STARD8: variants seen among roughly 807,000 people sequenced by gnomAD.
STARD8 encodes the protein StAR related lipid transfer domain containing 8.
STARD8 carries 25 observed loss-of-function variants against 69.4 expected under a neutral mutation model. That is an observed-to-expected ratio of 0.36 (90% CI 0.26 to 0.50). STARD8 has a LOEUF of 0.50. Among genes scored for constraint, STARD8 ranks in the 20% least tolerant of loss-of-function variants. The pLI is 0.96. For synonymous variants in STARD8, 389 were observed against 374.6 expected (o/e 1.04, Z -0.45); for missense variants, 921 against 932.5 (o/e 0.99, Z 0.16).
chrX:68,688,303 G>C (rs569974121), intron 2 of STARD8, among the ~76,000 whole-genome samples: 1 of 111,302 alleles, frequency 9.0e-6, no homozygotes, highest in African/African-American at 3.3e-5. Flanking sequence ...GAGACAGGGG[G>C]GTGGTTGGCC....
intron 2 of STARD8, among the ~76,000 whole-genome samples, chrX:68,698,616 C>A (rs995674937): frequency 9.0e-6 from 1 of 111,211 alleles, no homozygotes; most frequent in Non-Finnish European, 1.9e-5. Context: ...GACCCAGACC[C>A]AGACCCAGAC....
At chrX:68,716,320 G>C in intron 4 of STARD8, 48 bp from the exon 5 acceptor site, 3 of 1,172,927 alleles carry the variant, frequency 2.6e-6, no homozygotes, top group Non-Finnish European at 3.5e-6. Context: ...GGCTCTGCCA[G>C]GCTTTGGGGA....
rs1458833642 is a variant in STARD8, at chrX:68,723,699, A to G, written c.2873A>G (p.His958Arg). Residue 958 changes from histidine (H) to arginine (R), a missense_variant, in exon 13 of 15, where the codon CAT becomes CGT. Physicochemically the swap from His to Arg is conservative, Grantham distance 29. Coordinates refer to ENST00000374599, the MANE Select transcript of STARD8 (RefSeq NM_001142503.3). The stretch of plus-strand genomic sequence containing the variant: ...GCAGCCCCCCCAGCTGTGGTGCTGC[A>G]TCGTGTTCTCCGGGAGCGGGCCCTC... ...EVAAPPAVVL[H>R]RVLRERALWD... 8.4e-7 allele frequency: 1 copy of G among 1,197,385 alleles called. No homozygotes were observed. Among genetic ancestry groups the G allele is most frequent in the Non-Finnish European group, 1.1e-6 (1 of 888,354 alleles).
At chrX:68,654,807 C>T (rs191687472) in intron 1 of STARD8, among the ~76,000 whole-genome samples, 2 of 112,147 alleles carry the variant, frequency 1.8e-5, no homozygotes, top group East Asian at 5.7e-4. Context: ...ACCCCAGCCC[C>T]TCTCTGCCCC....
Position 68,723,814 on chromosome X carries a change from C to G in STARD8, c.2988C>G (p.Pro996=). The change falls in exon 13 of 15, where the codon CCC becomes CCG. Residue 996 remains proline (P), a synonymous_variant. Coordinates refer to ENST00000374599, the MANE Select transcript of STARD8 (RefSeq NM_001142503.3). ...LYHYVTDSMA[P]HPCRDFVVLR... ...ACTATGTCACCGACAGCATGGCACC[C>G]CATCCCTGCCGCGACTTTGTGGTGC... 8.4e-7 allele frequency: 1 copy of G among 1,187,318 alleles called. No individual in the cohort carries two copies. Among genetic ancestry groups the G allele is most frequent in the Non-Finnish European group, 1.1e-6 (1 of 883,251 alleles).
chrX:68,660,972 G>C (rs754030483), intron 1 of STARD8, among the ~76,000 whole-genome samples: 35 of 112,078 alleles, frequency 3.1e-4, no homozygotes, highest in Non-Finnish European at 4.5e-4. Context: ...GCTGGGGGAG[G>C]CTGGAATGTG....
chrX:68,716,778 C>A (rs1426980863), intron 5 of STARD8, among the ~76,000 whole-genome samples: 4 of 111,786 alleles, frequency 3.6e-5, no homozygotes, highest in African/African-American at 9.8e-5. Context: ...CTCTTCCCTT[C>A]TGGGCCTCAG....
intron 2 of STARD8, among the ~76,000 whole-genome samples, chrX:68,707,480 T>A (rs2080016886): frequency 8.9e-6 from 1 of 111,789 alleles, no homozygotes; most frequent in African/African-American, 3.3e-5. Context: ...CGGTGGTCTT[T>A]ATCTCAGGCT....
In STARD8 at chrX:68,647,967, G is replaced by T. The variant is rs777064284; in HGVS notation, c.45+40G>T. The T allele has an allele frequency of 4.6e-5, 54 of 1,177,201 alleles. No individual in the cohort carries two copies. In the East Asian group the frequency reaches 1.2e-3, roughly 26 times the overall value. ...AGCCCCAGCCCATCCCGCTGCTCAG[G>T]GGGGAAGGAGGCAGATGTGGACCAC... On this transcript the variant is annotated intron_variant, in intron 1 of 14. Transcript: ENST00000374599.
intron 2 of STARD8, among the ~76,000 whole-genome samples, chrX:68,678,726 T>TCG (rs1463355204): frequency 1.8e-5 from 2 of 112,455 alleles, no homozygotes; most frequent in Non-Finnish European, 3.8e-5. Flanking sequence ...TGATCTGATT[T>TCG]TAGTCACACA....
chrX:68,717,829 CAA>C lies in STARD8; in HGVS notation c.917_918del (p.Lys306ThrfsTer11). On this transcript the variant is annotated frameshift_variant, in exon 6 of 15. Transcript: ENST00000374599. LOFTEE classifies it high-confidence loss of function. ...GCCTGGTGCACGTTCCTGGGGACCA[CAA>C]ACCAGGCACATTCCCTCGCTCCCTG... ...DCLVHVPGDH[K>X]PGTFPRSLSI... 8.3e-7 allele frequency: 1 copy of C among 1,211,118 alleles called. No individual in the cohort carries two copies. Among genetic ancestry groups the C allele is most frequent in the Non-Finnish European group, 1.1e-6 (1 of 895,165 alleles).
chrX:68,694,806 G>A (rs2079906887), intron 2 of STARD8, among the ~76,000 whole-genome samples: 2 of 111,282 alleles, frequency 1.8e-5, no homozygotes, highest in Admixed American at 1.9e-4. Flanking sequence ...TAAGCCAGCT[G>A]GAAAACTAGA....
intron 1 of STARD8, among the ~76,000 whole-genome samples, chrX:68,652,646 C>T (rs1308954012): frequency 1.8e-5 from 2 of 109,553 alleles, no homozygotes; most frequent in African/African-American, 3.3e-5. Flanking sequence ...CCCGCTCCCC[C>T]GCAACACACA....
intron 2 of STARD8, among the ~76,000 whole-genome samples, chrX:68,679,218 C>G (rs757662319): frequency 4.2e-4 from 47 of 111,460 alleles, no homozygotes; most frequent in Non-Finnish European, 8.5e-4. Flanking sequence ...AAAATTGAAT[C>G]CTATGTGACA....
chrX:68,668,190 C>G (rs1184534903), intron 2 of STARD8, among the ~76,000 whole-genome samples: 6 of 97,072 alleles, frequency 6.2e-5, no homozygotes, highest in Non-Finnish European at 1.2e-4. Context: ...TCCTACCTAC[C>G]CTTCCTTCCT....
chrX:68,722,235 G>A (rs772455502), intron 11 of STARD8, 74 bp downstream of exon 11: 9 of 970,905 alleles, frequency 9.3e-6, no homozygotes, highest in Non-Finnish European at 4.3e-6. Flanking sequence ...GGTGCCCCAA[G>A]TCAGGGATAG....
intron 8 of STARD8, 101 bp downstream of exon 8, chrX:68,720,524 G>C: frequency 1.0e-6 from 1 of 983,221 alleles, no homozygotes; most frequent in Non-Finnish European, 1.3e-6. Flanking sequence ...AACTGCTCTG[G>C]CCTTCCCCCT....
intron 1 of STARD8, among the ~76,000 whole-genome samples, chrX:68,653,795 A>G (rs755064757): frequency 9.4e-6 from 1 of 106,027 alleles, no homozygotes; most frequent in East Asian, 3.1e-4. Flanking sequence ...CACACACCAC[A>G]TACACACACA....
chrX:68,661,878 T>TTTGCTTCC (rs1556020159), intron 1 of STARD8, among the ~76,000 whole-genome samples: 1 of 64,165 alleles, frequency 1.6e-5, no homozygotes, highest in African/African-American at 9.1e-5. Context: ...CTTTCTTTCT[T>TTTGCTTCC]TTCCTTCCTT....
Sources: allele counts gnomAD v4.1 joint callset (sites outside exome capture counted in the v4.1 genomes callset), GRCh38; gene constraint gnomAD v4.1.1; transcripts MANE v1.5; gene names NCBI Gene and HGNC (gene_info 2026-07-23, HGNC 2026-07-21).